The following CPNE8 variants were observed in gnomAD, a reference collection of about 807,000 sequenced individuals.
CPNE8 encodes the protein copine-8.
A neutral mutation model predicts 81.5 loss-of-function variants in CPNE8; 45 were observed. The ratio of observed to expected loss-of-function variants is 0.55; its 90% CI spans 0.44 to 0.71. The LOEUF is 0.71. Among genes scored for constraint, CPNE8 ranks in the 30% least tolerant of loss-of-function variants. The probability of loss-of-function intolerance (pLI) is 0.00; values close to 1 mark genes in which losing one functional copy is unlikely to be tolerated. For missense variants in CPNE8, 594 were observed against 672.1 expected, an observed-to-expected ratio of 0.88 and a Z score of 1.28; for synonymous variants, 252 against 226.3, an observed-to-expected ratio of 1.11 and a Z score of -1.02.
At chr12:38,830,681 T>C (rs931950648) in intron 5 of CPNE8, among the ~76,000 whole-genome samples, 2 of 152,216 alleles carry the variant, frequency 1.3e-5, no homozygotes, top group Non-Finnish European at 2.9e-5. Flanking sequence ...GTGTTCAGTA[T>C]ACTAAATAAA....
chr12:38,739,170 C>T (rs1941029949), intron 10 of CPNE8, among the ~76,000 whole-genome samples: 2 of 152,148 alleles, frequency 1.3e-5, no homozygotes, highest in South Asian at 4.2e-4. Context: ...TTGTGATAGG[C>T]TTCAATAATG....
At chr12:38,778,433 G>T (rs1254664743) in intron 6 of CPNE8, among the ~76,000 whole-genome samples, 2 of 152,120 alleles carry the variant, frequency 1.3e-5, no homozygotes, top group African/African-American at 4.8e-5. Context: ...AAAACTATGG[G>T]TTTCACTGTT....
At chr12:38,696,661 C>G (rs1939805203) in intron 14 of CPNE8, among the ~76,000 whole-genome samples, 1 of 152,116 alleles carries the variant, frequency 6.6e-6, no homozygotes, top group Admixed American at 6.6e-5. Context: ...TAGAGATGTA[C>G]TATACCTTTG....
intron 19 of CPNE8, among the ~76,000 whole-genome samples, chr12:38,654,452 T>A (rs1259863915): frequency 6.9e-6 from 1 of 145,572 alleles, no homozygotes; most frequent in Non-Finnish European, 1.5e-5. Context: ...GAGGCAGAGG[T>A]TGCAGTGAGC....
At chr12:38,654,604 C>A (rs1214485124) in intron 19 of CPNE8, among the ~76,000 whole-genome samples, 2 of 151,278 alleles carry the variant, frequency 1.3e-5, no homozygotes, top group Non-Finnish European at 2.9e-5. Context: ...AAAAGGAATG[C>A]AATCATTTTC....
chr12:38,853,199 C>T (rs1943674633), intron 3 of CPNE8, among the ~76,000 whole-genome samples: 1 of 152,106 alleles, frequency 6.6e-6, no homozygotes, highest in African/African-American at 2.4e-5. Context: ...TAGCTAATGT[C>T]TTATGCTACT....
At chr12:38,901,821 C>T (rs1944467318) in intron 1 of CPNE8, among the ~76,000 whole-genome samples, 1 of 152,126 alleles carries the variant, frequency 6.6e-6, no homozygotes, top group Non-Finnish European at 1.5e-5. Flanking sequence ...TAATATACTC[C>T]AAGCACCCTA....
intron 6 of CPNE8, among the ~76,000 whole-genome samples, chr12:38,823,765 C>A (rs535293702): frequency 6.6e-6 from 1 of 152,082 alleles, no homozygotes; most frequent in Non-Finnish European, 1.5e-5. Flanking sequence ...TTTCTTAAAC[C>A]GGTGCTGATT....
intron 1 of CPNE8, among the ~76,000 whole-genome samples, chr12:38,882,174 T>C (rs1944169598): frequency 6.6e-6 from 1 of 152,142 alleles, no homozygotes; most frequent in African/African-American, 2.4e-5. Flanking sequence ...CTGGATTATC[T>C]TGGAAGGCCA....
chr12:38,851,434 C>T (rs1943644999), intron 3 of CPNE8, among the ~76,000 whole-genome samples: 1 of 152,196 alleles, frequency 6.6e-6, no homozygotes, highest in Non-Finnish European at 1.5e-5. Context: ...TACCACTATC[C>T]ACTTGATTAA....
intron 1 of CPNE8, among the ~76,000 whole-genome samples, chr12:38,878,290 C>G (rs1944096795): frequency 6.6e-6 from 1 of 152,158 alleles, no homozygotes; most frequent in Non-Finnish European, 1.5e-5. Context: ...TCCAAGAACC[C>G]TTTCTTGGGG....
chr12:38,798,394 T>G (rs1241971145), intron 6 of CPNE8, among the ~76,000 whole-genome samples: 1 of 152,146 alleles, frequency 6.6e-6, no homozygotes, highest in Admixed American at 6.5e-5. Flanking sequence ...GGGCCAATAT[T>G]CAACTTTCTT....
intron 3 of CPNE8, among the ~76,000 whole-genome samples, chr12:38,850,761 CCTCTT>C (rs1421689840): frequency 3.3e-5 from 5 of 152,184 alleles, no homozygotes; most frequent in Non-Finnish European, 7.3e-5. Flanking sequence ...CTGTGTTTCT[CCTCTT>C]CTCAGATTCT....
intron 4 of CPNE8, among the ~76,000 whole-genome samples, chr12:38,846,608 C>A (rs1022253591): frequency 3.9e-5 from 6 of 151,970 alleles, no homozygotes; most frequent in Non-Finnish European, 8.8e-5. Context: ...GTGCTTTTTC[C>A]CCCTGGCCTG....
intron 3 of CPNE8, among the ~76,000 whole-genome samples, chr12:38,856,681 A>G (rs989009961): frequency 2.6e-5 from 4 of 152,138 alleles, no homozygotes; most frequent in Non-Finnish European, 4.4e-5. Context: ...TGAATTGTTT[A>G]TAATGCCCAT....
At chr12:38,852,200 G>C (rs1246580712) in intron 3 of CPNE8, among the ~76,000 whole-genome samples, 1 of 152,066 alleles carries the variant, frequency 6.6e-6, no homozygotes, top group Non-Finnish European at 1.5e-5. Context: ...GGCCAAGGTG[G>C]GCAGATCACC....
chr12:38,847,118 T>A (rs1283431739), intron 4 of CPNE8, among the ~76,000 whole-genome samples: 1 of 152,114 alleles, frequency 6.6e-6, no homozygotes, highest in African/African-American at 2.4e-5. Context: ...TGCTTTTTTG[T>A]ATTAGGATAA....
intron 5 of CPNE8, among the ~76,000 whole-genome samples, chr12:38,833,351 C>CA (rs774534221): frequency 0.11 from 6,851 of 61,164 alleles, 397 homozygotes; most frequent in East Asian, 0.4. Context: ...GACCTTATCT[C>CA]AAAAAAAAAA....
chr12:38,881,704 G>C (rs1407959247), intron 1 of CPNE8, among the ~76,000 whole-genome samples: 1 of 152,062 alleles, frequency 6.6e-6, no homozygotes, highest in Non-Finnish European at 1.5e-5. Flanking sequence ...TGATATCCTT[G>C]GAAACTACTT....
Sources: allele counts gnomAD v4.1 joint callset (sites outside exome capture counted in the v4.1 genomes callset), GRCh38; gene constraint gnomAD v4.1.1; transcripts MANE v1.5; gene names NCBI Gene and HGNC (gene_info 2026-07-23, HGNC 2026-07-21).